Variants in GULP1 observed in about 807,000 individuals in gnomAD.
GULP1 encodes GULP PTB domain containing engulfment adaptor 1.
In GULP1, 19 loss-of-function variants were observed where a neutral mutation model predicts 40.9. That is an observed-to-expected ratio of 0.46 (90% CI 0.32 to 0.68). The LOEUF is 0.68. Ranked by LOEUF, GULP1 falls within the 30% of genes least tolerant of loss-of-function variation. The pLI is 0.03. For missense variants in GULP1, 312 were observed against 362.2 expected (o/e 0.86, Z 1.12); for synonymous variants, 119 against 117.6 (o/e 1.01, Z -0.08).
chr2:188,488,218 A>C (rs1470063669), intron 4 of GULP1, among the ~76,000 whole-genome samples: 1 of 152,004 alleles, frequency 6.6e-6, no homozygotes. Context: ...CACTGATTCT[A>C]CCAGAATTTT....
intron 1 of GULP1, among the ~76,000 whole-genome samples, chr2:188,350,199 A>G (rs2044253103): frequency 1.3e-5 from 2 of 152,046 alleles, no homozygotes; most frequent in South Asian, 4.1e-4. Context: ...GTATTTCTAT[A>G]TGAATTTTGG....
intron 1 of GULP1, among the ~76,000 whole-genome samples, chr2:188,303,901 C>G (rs1231348301): frequency 6.6e-6 from 1 of 152,140 alleles, no homozygotes; most frequent in Non-Finnish European, 1.5e-5. Context: ...CCAGAGAATA[C>G]AAAGTGCTGC....
At chr2:188,460,530 A>G (rs953172796) in intron 2 of GULP1, among the ~76,000 whole-genome samples, 2 of 151,842 alleles carry the variant, frequency 1.3e-5, no homozygotes, top group African/African-American at 4.8e-5. Flanking sequence ...ATGAGTTCTA[A>G]TAGTTATTTT....
At chr2:188,568,098 T>A (rs1280478192) in intron 7 of GULP1, among the ~76,000 whole-genome samples, 1 of 152,124 alleles carries the variant, frequency 6.6e-6, no homozygotes, top group Non-Finnish European at 1.5e-5. Context: ...GTTAACTAGG[T>A]TAAATACTAT....
intron 4 of GULP1, among the ~76,000 whole-genome samples, chr2:188,517,045 T>G (rs1169612997): frequency 6.6e-6 from 1 of 152,216 alleles, no homozygotes; most frequent in Non-Finnish European, 1.5e-5. Context: ...TAATATTGTT[T>G]GGCTCACCCA....
chr2:188,539,991 GA>G (rs1037522024), intron 6 of GULP1, among the ~76,000 whole-genome samples: 1 of 152,050 alleles, frequency 6.6e-6, no homozygotes, highest in African/African-American at 2.4e-5. Context: ...GCCACCTTTA[GA>G]GAAACTCTTC....
At chr2:188,534,592 G>A (rs1333751757) in intron 6 of GULP1, among the ~76,000 whole-genome samples, 2 of 151,902 alleles carry the variant, frequency 1.3e-5, no homozygotes, top group Non-Finnish European at 2.9e-5. Context: ...GCATCATGCA[G>A]TATACCCTGG....
At chr2:188,373,441 C>T (rs952084096) in intron 1 of GULP1, among the ~76,000 whole-genome samples, 1 of 151,794 alleles carries the variant, frequency 6.6e-6, no homozygotes, top group African/African-American at 2.4e-5. Flanking sequence ...GTTTTCAATA[C>T]TGAAATTGTA....
intron 2 of GULP1, among the ~76,000 whole-genome samples, chr2:188,406,084 G>A (rs575371971): frequency 6.6e-6 from 1 of 152,316 alleles, no homozygotes; most frequent in Admixed American, 6.5e-5. Flanking sequence ...ATCATAGGGT[G>A]TACTTATGCA....
chr2:188,585,737 GC>G (rs537593978), intron 10 of GULP1, among the ~76,000 whole-genome samples: 195 of 152,262 alleles, frequency 1.3e-3, no homozygotes, highest in Admixed American at 6.1e-3. Flanking sequence ...TTCCTCTTAG[GC>G]CTCTGGACCT....
intron 2 of GULP1, among the ~76,000 whole-genome samples, chr2:188,412,081 C>T (rs970675891): frequency 4.6e-5 from 7 of 152,136 alleles, no homozygotes; most frequent in East Asian, 1.9e-4. Flanking sequence ...ATGTAACTTA[C>T]TTGTGCCTTC....
intron 10 of GULP1, among the ~76,000 whole-genome samples, chr2:188,584,730 A>G (rs2153462509): frequency 6.6e-6 from 1 of 152,082 alleles, no homozygotes; most frequent in East Asian, 1.9e-4. Flanking sequence ...AACTGGTGGT[A>G]ATTAAATTGA....
intron 2 of GULP1, among the ~76,000 whole-genome samples, chr2:188,447,765 T>G (rs1352786518): frequency 6.6e-6 from 1 of 152,184 alleles, no homozygotes; most frequent in Non-Finnish European, 1.5e-5. Context: ...TCTTCAGCAC[T>G]CTCTGCAAAT....
At chr2:188,464,170 G>A (rs1056169836) in intron 2 of GULP1, among the ~76,000 whole-genome samples, 4 of 152,100 alleles carry the variant, frequency 2.6e-5, no homozygotes, top group Admixed American at 6.5e-5. Flanking sequence ...AGGCTTTCCA[G>A]ATATTCAAAA....
intron 7 of GULP1, among the ~76,000 whole-genome samples, chr2:188,552,865 A>T (rs574186470): frequency 6.7e-6 from 1 of 150,044 alleles, no homozygotes; most frequent in African/African-American, 2.4e-5. Flanking sequence ...ATATATATAT[A>T]TTTATTCCTA....
At position 188,351,716 on chromosome 2, in the gene GULP1, A is replaced by G. The variant is rs148590541; in HGVS notation, c.-171-32047A>G. On this transcript the variant is annotated intron_variant, in intron 1 of 11. Coordinates refer to ENST00000409830, the MANE Select transcript of GULP1 (RefSeq NM_016315.4). ...CATTAGCTTTATGAGACCATGTTACATCAATTTGAACATCCAAATGTAATC... is the reference window on the plus strand; with the variant it reads ...CATTAGCTTTATGAGACCATGTTACGTCAATTTGAACATCCAAATGTAATC... Among the ~76,000 whole-genome samples the G allele has an allele frequency of 1.8e-4, 27 of 152,286 alleles. No homozygotes were observed. The East Asian group carries it at 2.7e-3, about 15-fold the overall frequency.
At chr2:188,449,408 A>AT (rs1429473960) in intron 2 of GULP1, among the ~76,000 whole-genome samples, 3 of 152,062 alleles carry the variant, frequency 2.0e-5, no homozygotes, top group Admixed American at 1.3e-4. Flanking sequence ...AGTCTCTATG[A>AT]TTTGCAGCTT....
rs76900784 is a variant in GULP1, at chr2:188,301,079, A to G, written c.-172+8913A>G. On this transcript the variant is annotated intron_variant, in intron 1 of 11. Coordinates refer to ENST00000409830, the MANE Select transcript of GULP1 (RefSeq NM_016315.4). ...ACCCAACCCGGAGTGCACTGGTGCAATCATAGCTCACTGCAGCCTCAAACT... is the reference window on the plus strand; with the variant it reads ...ACCCAACCCGGAGTGCACTGGTGCAGTCATAGCTCACTGCAGCCTCAAACT... Among the ~76,000 whole-genome samples the G allele has an allele frequency of 4.6e-5, 7 of 152,256 alleles. No individual in the cohort carries two copies. The East Asian group carries it at 1.2e-3, about 25-fold the overall frequency.
chr2:188,563,572 T>A (rs1696883554), intron 7 of GULP1, among the ~76,000 whole-genome samples: 1 of 150,150 alleles, frequency 6.7e-6, no homozygotes, highest in South Asian at 2.1e-4. Context: ...TTTATATTTT[T>A]AAAAAAGATT....
Sources: allele counts gnomAD v4.1 joint callset (sites outside exome capture counted in the v4.1 genomes callset), GRCh38; gene constraint gnomAD v4.1.1; transcripts MANE v1.5; gene names NCBI Gene and HGNC (gene_info 2026-07-23, HGNC 2026-07-21).